Variants in HERC4 observed in about 807,000 individuals in gnomAD.
HERC4 encodes probable E3 ubiquitin-protein ligase HERC4.
In HERC4, 28 loss-of-function variants were observed where a neutral mutation model predicts 124.3. The ratio of observed to expected loss-of-function variants is 0.23; its 90% confidence interval spans 0.17 to 0.31. HERC4 has a LOEUF of 0.31. Ranked by LOEUF, HERC4 falls within the 10% of genes least tolerant of loss-of-function variation. The pLI, the probability that HERC4 is intolerant of heterozygous loss-of-function variation, is 1.00. For synonymous variants in HERC4, 407 were observed against 421.5 expected, an observed-to-expected ratio of 0.97 and a Z score of 0.42; for missense variants, 713 against 1,229.3, an observed-to-expected ratio of 0.58 and a Z score of 6.28.
At chr10:67,955,390 T>C (rs1301683358) in intron 17 of HERC4, 2 of 281,698 alleles carry the variant, frequency 7.1e-6, no homozygotes, top group Non-Finnish European at 6.5e-6. Context: ...ACGGTAGTAA[T>C]ACTGATAAAT....
At chr10:67,962,290 G>A (rs2034576285) in intron 16 of HERC4, among the ~76,000 whole-genome samples, 1 of 151,362 alleles carries the variant, frequency 6.6e-6, no homozygotes, top group Non-Finnish European at 1.5e-5. Context: ...TACCAAGGGA[G>A]TTTATAGTAT....
At chr10:68,070,452 GA>G in intron 3 of HERC4, 1 of 184,100 alleles carries the variant, frequency 5.4e-6, no homozygotes, top group Non-Finnish European at 1.1e-5. Context: ...ATTAAAATAT[GA>G]AAAGTAGCCA....
intron 11 of HERC4, 102 bp from the exon 12 acceptor site, chr10:67,991,301 T>G: frequency 1.6e-6 from 1 of 609,136 alleles, no homozygotes; most frequent in Non-Finnish European, 2.7e-6. Flanking sequence ...TAATGTTTAA[T>G]GCTACAGAGC....
intron 17 of HERC4, chr10:67,955,575 C>T: frequency 4.6e-5 from 7 of 152,956 alleles, no homozygotes; most frequent in Non-Finnish European, 1.0e-4. Context: ...AGTTCAAGAC[C>T]AGCCTGGCCA....
At position 68,029,857 on chromosome 10, in the gene HERC4, GCCTCCC is replaced by G. The variant is rs1417292197; in HGVS notation, c.777+2915_777+2920del. On this transcript the variant is annotated intron_variant, in intron 7 of 24. Coordinates refer to ENST00000373700, the MANE Select transcript of HERC4 (RefSeq NM_015601.4). ...AGGTTCAAGCGATTCTCCTGCCTCA[GCCTCCC>G]GACTACCTGGGATTACAGGCGCCTG... Among the ~76,000 whole-genome samples, 210 of 150,980 alleles carry G rather than the reference GCCTCCC, an allele frequency of 1.4e-3. 1 individual carries two copies. Among genetic ancestry groups the G allele is most frequent in the African/African-American group, 4.7e-3 (195 of 41,246 alleles).
chr10:67,926,662 C>T (rs970476746), intron 23 of HERC4, among the ~76,000 whole-genome samples: 3 of 152,144 alleles, frequency 2.0e-5, no homozygotes, highest in Non-Finnish European at 4.4e-5. Flanking sequence ...CCATCTAATT[C>T]ATTCATTGAT....
intron 3 of HERC4, among the ~76,000 whole-genome samples, chr10:68,060,205 A>T (rs900997331): frequency 4.6e-5 from 7 of 151,746 alleles, no homozygotes; most frequent in African/African-American, 1.2e-4. Flanking sequence ...CAGCATTATA[A>T]GGTGTAAATA....
chr10:68,006,516 C>A (rs1589301797), intron 9 of HERC4, among the ~76,000 whole-genome samples: 1 of 151,848 alleles, frequency 6.6e-6, no homozygotes, highest in Non-Finnish European at 1.5e-5. Context: ...GGATTACAGG[C>A]GCCAGCCACC....
chr10:68,073,960 A>T (rs949829290), intron 1 of HERC4: 3 of 152,226 alleles, frequency 2.0e-5, no homozygotes, highest in Non-Finnish European at 2.9e-5. Context: ...CTCTTTTATT[A>T]CAAGTGGTAA....
At chr10:67,983,146 G>T (rs569321669) in intron 15 of HERC4, among the ~76,000 whole-genome samples, 1 of 151,302 alleles carries the variant, frequency 6.6e-6, no homozygotes, top group Non-Finnish European at 1.5e-5. Flanking sequence ...GAACACCAGT[G>T]AAATGCAAAT....
At chr10:67,973,036 A>T (rs532841181) in intron 15 of HERC4, among the ~76,000 whole-genome samples, 3 of 152,326 alleles carry the variant, frequency 2.0e-5, no homozygotes, top group African/African-American at 7.2e-5. Flanking sequence ...GATTCATGAA[A>T]AAAGAATATA....
intron 3 of HERC4, among the ~76,000 whole-genome samples, chr10:68,064,140 G>A (rs2133804225): frequency 6.6e-6 from 1 of 151,680 alleles, no homozygotes; most frequent in Admixed American, 6.6e-5. Flanking sequence ...CTACTCTGGA[G>A]GCTGAGGGGA....
intron 19 of HERC4, among the ~76,000 whole-genome samples, chr10:67,953,433 G>A (rs2033941998): frequency 6.6e-6 from 1 of 152,158 alleles, no homozygotes; most frequent in Non-Finnish European, 1.5e-5. Context: ...CTGTTAGGCA[G>A]TAAATGTGTA....
At chr10:68,065,811 G>A (rs1049049089) in intron 3 of HERC4, among the ~76,000 whole-genome samples, 2 of 151,960 alleles carry the variant, frequency 1.3e-5, no homozygotes, top group African/African-American at 2.4e-5. Context: ...ATTGAGCCAC[G>A]ATTTAACCAC....
At chr10:68,071,610 T>A (rs1160696177) in intron 3 of HERC4, among the ~76,000 whole-genome samples, 1 of 152,150 alleles carries the variant, frequency 6.6e-6, no homozygotes, top group African/African-American at 2.4e-5. Context: ...GAGACAATCA[T>A]CAAATGCGTA....
intron 15 of HERC4, among the ~76,000 whole-genome samples, chr10:67,967,443 C>G (rs1236776728): frequency 6.6e-6 from 1 of 152,000 alleles, no homozygotes; most frequent in African/African-American, 2.4e-5. Flanking sequence ...GGAAATGGGA[C>G]CTTAATAATA....
At chr10:67,951,596 C>T (rs2033798099) in intron 19 of HERC4, among the ~76,000 whole-genome samples, 1 of 152,190 alleles carries the variant, frequency 6.6e-6, no homozygotes, top group Non-Finnish European at 1.5e-5. Flanking sequence ...GGAAACAAGA[C>T]TGTCTCCTGA....
At chr10:68,034,436 T>C (rs1435917174) in intron 5 of HERC4, among the ~76,000 whole-genome samples, 1 of 152,156 alleles carries the variant, frequency 6.6e-6, no homozygotes, top group Non-Finnish European at 1.5e-5. Context: ...AACCGGTGAA[T>C]CACATAACAA....
rs114020877 is a variant in HERC4, at chr10:68,052,230, A to G, written c.227-7667T>C. Among the ~76,000 whole-genome samples, 1,005 of 152,310 alleles carry G rather than the reference A, an allele frequency of 6.6e-3. 9 individuals are homozygous for G. Among genetic ancestry groups the G allele is most frequent in the African/African-American group, 0.023 (965 of 41,566 alleles). On this transcript the variant is annotated intron_variant, in intron 3 of 24. Transcript: ENST00000373700. Reference sequence around the variant, plus strand: ...CACTTTGTAGATAACGACTTCGAATACATCTCTAATAGGTCCTTGTTCATC... The same window carrying G: ...CACTTTGTAGATAACGACTTCGAATGCATCTCTAATAGGTCCTTGTTCATC...
Sources: gnomAD v4.1 joint callset for allele counts (sites outside exome capture counted in the v4.1 genomes callset) on GRCh38, gnomAD v4.1.1 for gene constraint, MANE v1.5 for transcripts, NCBI Gene and HGNC (gene_info 2026-07-23, HGNC 2026-07-21) for gene names.